The following KHDRBS3 variants were observed in gnomAD, a reference collection of about 807,000 sequenced individuals.
KHDRBS3 encodes the protein KH domain-containing, RNA-binding, signal transduction-associated protein 3.
Under a neutral mutation model 45.6 loss-of-function variants are expected in KHDRBS3, and 23 were observed. The observed-to-expected ratio is 0.50, with a 90% CI of 0.36 to 0.72. KHDRBS3 has a LOEUF of 0.72. Among genes scored for constraint, KHDRBS3 ranks in the 30% least tolerant of loss-of-function variants. KHDRBS3 has a pLI of 0.00. For missense variants in KHDRBS3, 352 were observed against 424.8 expected, an observed-to-expected ratio of 0.83 and a Z score of 1.51; for synonymous variants, 162 against 156.5, an observed-to-expected ratio of 1.04 and a Z score of -0.26.
intron 2 of KHDRBS3, among the ~76,000 whole-genome samples, chr8:135,534,655 T>C (rs766644356): frequency 3.9e-5 from 6 of 152,176 alleles, no homozygotes; most frequent in Non-Finnish European, 8.8e-5. Context: ...GTCATTTTTA[T>C]CAGTGGTGTA....
intron 1 of KHDRBS3, among the ~76,000 whole-genome samples, chr8:135,518,410 G>A (rs561673564): frequency 6.6e-5 from 10 of 152,082 alleles, no homozygotes; most frequent in Admixed American, 5.2e-4. Context: ...TCCTGACCTC[G>A]TGATCCACCC....
At chr8:135,511,948 G>T (rs942882630) in intron 1 of KHDRBS3, among the ~76,000 whole-genome samples, 1 of 152,136 alleles carries the variant, frequency 6.6e-6, no homozygotes. Context: ...ATATTTATGC[G>T]TATTTATGAT....
chr8:135,510,679 C>T (rs1204589647), intron 1 of KHDRBS3, among the ~76,000 whole-genome samples: 7 of 152,332 alleles, frequency 4.6e-5, no homozygotes, highest in African/African-American at 1.2e-4. Context: ...ATGACCCACC[C>T]GCCTTGGCCT....
intron 6 of KHDRBS3, among the ~76,000 whole-genome samples, chr8:135,584,833 G>A (rs191166366): frequency 2.0e-5 from 3 of 152,058 alleles, no homozygotes; most frequent in African/African-American, 7.2e-5. Flanking sequence ...CTTGGCCATT[G>A]GTCTCAACTG....
chr8:135,596,626 GA>G (rs1174525140), intron 6 of KHDRBS3, among the ~76,000 whole-genome samples: 38 of 152,128 alleles, frequency 2.5e-4, no homozygotes, highest in African/African-American at 9.2e-4. Flanking sequence ...ATAAACTAAG[GA>G]AAAGTACAGA....
chr8:135,521,207 C>A, intron 1 of KHDRBS3, 30 bp from the exon 2 acceptor site: 1 of 1,371,302 alleles, frequency 7.3e-7, no homozygotes, highest in Non-Finnish European at 1.0e-6. Context: ...CTGAGTCATA[C>A]ACTTCATGGT....
chr8:135,618,260 GA>G (rs1226232855), intron 7 of KHDRBS3, among the ~76,000 whole-genome samples: 3 of 152,166 alleles, frequency 2.0e-5, no homozygotes, highest in African/African-American at 7.2e-5. Context: ...CCCTTTAATT[GA>G]AAAGAGTAAG....
intron 4 of KHDRBS3, among the ~76,000 whole-genome samples, chr8:135,552,309 C>T (rs1826645297): frequency 6.6e-6 from 1 of 151,672 alleles, no homozygotes; most frequent in Non-Finnish European, 1.5e-5. Context: ...GGTTTTTCAT[C>T]CGTTTTTCTC....
intron 4 of KHDRBS3, among the ~76,000 whole-genome samples, chr8:135,551,859 A>G (rs1826619712): frequency 6.6e-6 from 1 of 152,056 alleles, no homozygotes; most frequent in Non-Finnish European, 1.5e-5. Flanking sequence ...CTGCTAGCAA[A>G]AAGTCTTTTG....
chr8:135,634,200 C>A (rs916674648), intron 7 of KHDRBS3, among the ~76,000 whole-genome samples: 1 of 152,192 alleles, frequency 6.6e-6, no homozygotes, highest in Non-Finnish European at 1.5e-5. Flanking sequence ...AGTCCTACTT[C>A]CCACTGTTTT....
intron 1 of KHDRBS3, among the ~76,000 whole-genome samples, chr8:135,513,451 G>A (rs1450442419): frequency 6.6e-6 from 1 of 152,112 alleles, no homozygotes; most frequent in African/African-American, 2.4e-5. Flanking sequence ...TCTTTGATGA[G>A]GAAATTGTGA....
intron 5 of KHDRBS3, among the ~76,000 whole-genome samples, chr8:135,566,100 A>C (rs942483190): frequency 6.6e-6 from 1 of 152,164 alleles, no homozygotes; most frequent in Non-Finnish European, 1.5e-5. Context: ...AAATATTGTT[A>C]TCTCTATTTT....
intron 8 of KHDRBS3, 31 bp downstream of exon 8, chr8:135,645,148 GGGA>G (rs1831231441): frequency 6.2e-7 from 1 of 1,610,070 alleles, no homozygotes; most frequent in Admixed American, 1.7e-5. Context: ...TGTGAAGAGA[GGGA>G]GGAGAGATGG....
intron 6 of KHDRBS3, among the ~76,000 whole-genome samples, chr8:135,594,985 A>C (rs573780965): frequency 6.6e-6 from 1 of 152,364 alleles, no homozygotes; most frequent in African/African-American, 2.4e-5. Context: ...AGTAGAATGG[A>C]TGAACAAATT....
At chr8:135,466,220 C>CT (rs1199316710) in intron 1 of KHDRBS3, among the ~76,000 whole-genome samples, 3 of 152,116 alleles carry the variant, frequency 2.0e-5, no homozygotes, top group Middle Eastern at 3.2e-3. Context: ...AAAGCCATGC[C>CT]TTTTTTTGTA....
intron 1 of KHDRBS3, among the ~76,000 whole-genome samples, chr8:135,470,139 A>G (rs1247618597): frequency 6.6e-6 from 1 of 152,104 alleles, no homozygotes; most frequent in Non-Finnish European, 1.5e-5. Flanking sequence ...TCCTTTCTCT[A>G]GAATCCAAAG....
At chr8:135,578,160 A>G (rs1278182206) in intron 5 of KHDRBS3, among the ~76,000 whole-genome samples, 1 of 152,118 alleles carries the variant, frequency 6.6e-6, no homozygotes, top group African/African-American at 2.4e-5. Flanking sequence ...CATGTTTCCC[A>G]AATATTTTCT....
At chr8:135,633,943 G>A (rs553938101) in intron 7 of KHDRBS3, among the ~76,000 whole-genome samples, 4 of 152,288 alleles carry the variant, frequency 2.6e-5, no homozygotes, top group African/African-American at 9.6e-5. Flanking sequence ...CTCTGGGTTT[G>A]CACAAATGTG....
intron 1 of KHDRBS3, among the ~76,000 whole-genome samples, chr8:135,515,539 A>G (rs1377193065): frequency 6.6e-6 from 1 of 151,850 alleles, no homozygotes; most frequent in Non-Finnish European, 1.5e-5. Context: ...TATGCATGGT[A>G]CAAGACCTGT....
Sources: allele counts gnomAD v4.1 joint callset (sites outside exome capture counted in the v4.1 genomes callset), GRCh38; gene constraint gnomAD v4.1.1; transcripts MANE v1.5; gene names NCBI Gene and HGNC (gene_info 2026-07-23, HGNC 2026-07-21).